GPHN: variants seen among roughly 807,000 people sequenced by gnomAD.
GPHN encodes the protein gephyrin.
In GPHN, 17 loss-of-function variants were observed where a neutral mutation model predicts 95.5. That is an observed-to-expected ratio of 0.18 (90% CI 0.12 to 0.27). The LOEUF is 0.27. Among genes scored for constraint, GPHN ranks in the 10% least tolerant of loss-of-function variants. The pLI is 1.00. For missense variants in GPHN, 660 were observed against 978.1 expected (o/e 0.67, Z 4.34); for synonymous variants, 320 against 322.5 (o/e 0.99, Z 0.08).
chr14:67,644,292 C>CT, the GPHN span, among the ~76,000 whole-genome samples: 1 of 152,324 alleles, frequency 6.6e-6, no homozygotes, highest in South Asian at 2.1e-4. Flanking sequence ...CAAAGCAACT[C>CT]TGATTTACAC....
the GPHN span, among the ~76,000 whole-genome samples, chr14:67,675,191 G>T: frequency 6.6e-6 from 1 of 152,290 alleles, no homozygotes; most frequent in Non-Finnish European, 1.5e-5. Flanking sequence ...TTCTTGGAAG[G>T]CCCAGCGGCT....
the GPHN span, among the ~76,000 whole-genome samples, chr14:67,389,947 T>C: frequency 6.6e-6 from 1 of 152,120 alleles, no homozygotes; most frequent in Non-Finnish European, 1.5e-5. Flanking sequence ...CATCCCTCCC[T>C]GGCCCTGGCC....
At chr14:67,180,657 C>A (rs542011276) in intron 22 of GPHN, 147 bp from the exon 23 acceptor site, 15 of 721,448 alleles carry the variant, frequency 2.1e-5, no homozygotes, top group Non-Finnish European at 3.4e-5. Context: ...AGCATGGCCA[C>A]CTGAAAAAGG....
the GPHN span, among the ~76,000 whole-genome samples, chr14:67,323,201 G>GTA: frequency 1.1e-4 from 16 of 146,746 alleles, no homozygotes; most frequent in East Asian, 2.0e-4. Context: ...TATTATATGT[G>GTA]TATATATATA....
the GPHN span, among the ~76,000 whole-genome samples, chr14:67,342,223 TA>T: frequency 8.6e-5 from 8 of 93,462 alleles, no homozygotes; most frequent in South Asian, 8.8e-4. Context: ...TAAAATAAAA[TA>T]AAAAAAAACA....
intron 1 of GPHN, among the ~76,000 whole-genome samples, chr14:66,532,745 G>A (rs911182255): frequency 1.3e-5 from 2 of 152,122 alleles, no homozygotes; most frequent in African/African-American, 2.4e-5. Flanking sequence ...GAAGATTCCC[G>A]AGGACTGTTT....
the GPHN span, chr14:67,208,503 A>G: frequency 1.3e-6 from 2 of 1,564,862 alleles, no homozygotes; most frequent in African/African-American, 2.7e-5. Flanking sequence ...ATATTAATAA[A>G]GAAATATGTG....
the GPHN span, among the ~76,000 whole-genome samples, chr14:67,250,596 A>C: frequency 6.6e-6 from 1 of 152,210 alleles, no homozygotes; most frequent in African/African-American, 2.4e-5. Flanking sequence ...TGAAACACAC[A>C]CACTGTTCAT....
chr14:67,105,252 A>G (rs2077971435), intron 13 of GPHN, among the ~76,000 whole-genome samples: 1 of 152,022 alleles, frequency 6.6e-6, no homozygotes, highest in Admixed American at 6.5e-5. Flanking sequence ...TTGTGGCCTA[A>G]TATGGTCTAT....
At chr14:66,991,062 A>G (rs984909544) in intron 9 of GPHN, among the ~76,000 whole-genome samples, 3 of 151,996 alleles carry the variant, frequency 2.0e-5, no homozygotes, top group Non-Finnish European at 4.4e-5. Context: ...ATTCTAAGAT[A>G]CAATGTTTTG....
At chr14:67,543,559 A>G in the GPHN span, among the ~76,000 whole-genome samples, 2 of 152,222 alleles carry the variant, frequency 1.3e-5, no homozygotes, top group African/African-American at 2.4e-5. Flanking sequence ...AGTCCTCTCA[A>G]TTGAAGTCTC....
At chr14:66,629,162 T>TAC in intron 1 of GPHN, among the ~76,000 whole-genome samples, 1 of 100,962 alleles carries the variant, frequency 9.9e-6, no homozygotes, top group Non-Finnish European at 1.8e-5. Flanking sequence ...TATAAATATG[T>TAC]ATATAAATAT....
the GPHN span, chr14:67,320,375 C>T: frequency 4.4e-6 from 7 of 1,607,080 alleles, no homozygotes; most frequent in East Asian, 1.1e-4. Flanking sequence ...AAGAAAAGGA[C>T]CGCTTTGCAT....
the GPHN span, among the ~76,000 whole-genome samples, chr14:67,680,252 C>T: frequency 6.6e-6 from 1 of 152,196 alleles, no homozygotes; most frequent in Admixed American, 6.5e-5. Context: ...ACCAGTATGA[C>T]CAGTACAACT....
the GPHN span, chr14:67,199,625 T>C: frequency 6.3e-7 from 1 of 1,584,916 alleles, no homozygotes; most frequent in Non-Finnish European, 8.7e-7. Context: ...GCGCCATGGC[T>C]TAGCAGCTGG....
At chr14:67,713,501 C>T in the GPHN span, among the ~76,000 whole-genome samples, 9 of 151,534 alleles carry the variant, frequency 5.9e-5, no homozygotes, top group Non-Finnish European at 1.3e-4. Flanking sequence ...AGGGGATATT[C>T]CCAGACCTCA....
the GPHN span, among the ~76,000 whole-genome samples, chr14:67,212,599 ATATATATATATATATGT>A: frequency 2.9e-5 from 4 of 137,160 alleles, no homozygotes; most frequent in Admixed American, 7.5e-5. Context: ...GAAAAAAAAA[ATATATATATATATATGT>A]AATATATATT....
chr14:67,130,576 G>A, intron 17 of GPHN, among the ~76,000 whole-genome samples: 1 of 152,122 alleles, frequency 6.6e-6, no homozygotes, highest in Non-Finnish European at 1.5e-5. Flanking sequence ...ACTTAAGAGT[G>A]CATGTGTCTT....
chr14:66,858,787 A>G (rs1313579611), intron 4 of GPHN, among the ~76,000 whole-genome samples: 2 of 152,084 alleles, frequency 1.3e-5, no homozygotes, highest in Non-Finnish European at 2.9e-5. Flanking sequence ...CTGAAGAGTG[A>G]GTCCCATGCC....
Sources: allele counts gnomAD v4.1 joint callset (sites outside exome capture counted in the v4.1 genomes callset), GRCh38; gene constraint gnomAD v4.1.1; transcripts MANE v1.5; gene names NCBI Gene and HGNC (gene_info 2026-07-23, HGNC 2026-07-21).